Variants in CCAR1 observed in about 807,000 individuals in gnomAD.
CCAR1 encodes the protein cell division cycle and apoptosis regulator 1.
Under a neutral mutation model 163.8 loss-of-function variants are expected in CCAR1, and 78 were observed. The observed-to-expected ratio is 0.48, with a 90% CI of 0.40 to 0.57. The LOEUF (loss-of-function observed/expected upper bound fraction) is 0.57. Ranked by LOEUF, CCAR1 falls within the 20% of genes least tolerant of loss-of-function variation. The pLI, the probability that CCAR1 is intolerant of heterozygous loss-of-function variation, is 0.00. For missense variants in CCAR1, 1,019 were observed against 1,365.2 expected, an observed-to-expected ratio of 0.75 and a Z score of 4.00; for synonymous variants, 443 against 460.7, an observed-to-expected ratio of 0.96 and a Z score of 0.49.
chr10:68,769,122 G>A (rs937470748), intron 17 of CCAR1, among the ~76,000 whole-genome samples: 6 of 152,042 alleles, frequency 3.9e-5, no homozygotes, highest in Non-Finnish European at 5.9e-5. Context: ...GATTACAGGC[G>A]TGTGCCTACA....
intron 19 of CCAR1, among the ~76,000 whole-genome samples, chr10:68,778,327 C>T (rs1215984966): frequency 6.6e-6 from 1 of 152,202 alleles, no homozygotes; most frequent in Non-Finnish European, 1.5e-5. Flanking sequence ...GGACCCCTCA[C>T]ATATGCTTCT....
intron 19 of CCAR1, among the ~76,000 whole-genome samples, chr10:68,783,970 G>A (rs1375172314): frequency 1.3e-5 from 2 of 151,840 alleles, no homozygotes; most frequent in African/African-American, 4.8e-5. Context: ...ATGTTAGCGA[G>A]GATGGTCTCG....
intron 2 of CCAR1, among the ~76,000 whole-genome samples, chr10:68,729,760 A>G (rs888581962): frequency 6.6e-6 from 1 of 151,816 alleles, no homozygotes; most frequent in African/African-American, 2.4e-5. Context: ...TTTGAATTTT[A>G]AAGTCTTTAA....
intron 10 of CCAR1, among the ~76,000 whole-genome samples, chr10:68,753,495 A>G (rs1323919521): frequency 6.6e-6 from 1 of 152,202 alleles, no homozygotes; most frequent in East Asian, 1.9e-4. Flanking sequence ...GCTGTTTTGT[A>G]TCTATTCAAC....
chr10:68,752,883 AATAGATAGATAGATAGATAGATAG>A (rs36140870), intron 10 of CCAR1, among the ~76,000 whole-genome samples: 55 of 142,292 alleles, frequency 3.9e-4, no homozygotes, highest in Non-Finnish European at 4.9e-4. Context: ...GATAGGATAG[AATAGATAGATAGATAGATAGATAG>A]ATAGATAGAT....
intron 2 of CCAR1, among the ~76,000 whole-genome samples, chr10:68,732,772 A>G (rs1486622457): frequency 6.6e-6 from 1 of 152,174 alleles, no homozygotes; most frequent in African/African-American, 2.4e-5. Context: ...TTTAGAACCT[A>G]TGCCCTATCC....
intron 6 of CCAR1, among the ~76,000 whole-genome samples, chr10:68,746,068 G>C (rs1298166142): frequency 1.3e-5 from 2 of 151,154 alleles, no homozygotes; most frequent in Non-Finnish European, 2.9e-5. Context: ...TGCCTCCCGG[G>C]TTCAAGTGAT....
rs543475675 is a variant in CCAR1, at chr10:68,788,204, T to C, written c.3063T>C (p.Asn1021=). The C allele has an allele frequency of 8.9e-5, 143 of 1,598,082 alleles. 2 individuals are homozygous for C. The South Asian group carries it at 1.5e-3, about 17-fold the overall frequency. ...VKQESKDVEE[N]VGLIVYNGAM... ...AGGAATCAAAGGATGTGGAAGAAAA[T>C]GTTGGCCTCATTGTGTACAATGGTG... is the stretch of plus-strand genomic sequence containing the variant. Residue 1021 remains asparagine (N), a synonymous_variant, in exon 23 of 25, where the codon AAT becomes AAC. Coordinates refer to ENST00000265872, the MANE Select transcript of CCAR1 (RefSeq NM_018237.4).
rs368747688 is a variant in CCAR1, at chr10:68,770,562, A to G, written c.2299-644A>G. ...GTTCAAGACCAGCCTGGCCAACATG[A>G]TGAAACTCCATCTCTACTGAAAATA... On this transcript the variant is annotated intron_variant, in intron 17 of 24. Transcript: ENST00000265872. Among the ~76,000 whole-genome samples, 3 of 151,868 alleles carry G rather than the reference A, an allele frequency of 2.0e-5. No individual in the cohort carries two copies. The East Asian group carries it at 5.8e-4, about 29-fold the overall frequency.
At chr10:68,726,130 A>AG (rs1046258241) in intron 2 of CCAR1, among the ~76,000 whole-genome samples, 4 of 147,178 alleles carry the variant, frequency 2.7e-5, no homozygotes, top group Admixed American at 1.4e-4. Context: ...AAAAAAAAAA[A>AG]AAAGAAATGG....
At chr10:68,763,310 C>A (rs931556240) in intron 16 of CCAR1, among the ~76,000 whole-genome samples, 3 of 151,746 alleles carry the variant, frequency 2.0e-5, no homozygotes, top group African/African-American at 4.8e-5. Context: ...ACCACCATGC[C>A]CAGCTAATTT....
At chr10:68,786,835 A>AACCT in intron 21 of CCAR1, 143 bp downstream of exon 21, 4 of 642,550 alleles carry the variant, frequency 6.2e-6, no homozygotes, top group Non-Finnish European at 1.0e-5. Context: ...CTATAATCCC[A>AACCT]GCAGGTTGGG....
intron 19 of CCAR1, among the ~76,000 whole-genome samples, chr10:68,782,162 A>G (rs1184898563): frequency 1.3e-5 from 2 of 152,214 alleles, no homozygotes; most frequent in African/African-American, 4.8e-5. Context: ...GCAAAACCTA[A>G]TTCTGAACAA....
chr10:68,742,400 C>T lies in CCAR1; in HGVS notation c.349C>T (p.Leu117Phe), dbSNP rs761041904. 3 of 1,613,592 alleles carry T rather than the reference C, an allele frequency of 1.9e-6. No individual in the cohort carries two copies. The highest frequency in any genetic ancestry group is 8.5e-7 in the Non-Finnish European group (1 of 1,179,790). ...TQPAVALPTS[L>F]SLSTPQPTAQ... ...GCCAGCTGTTGCACTGCCTACAAGC[C>T]TTAGCCTGTCTACTCCTCAGCCAAC... is the stretch of plus-strand genomic sequence containing the variant. Residue 117 changes from leucine to phenylalanine, a missense_variant, in exon 6 of 25, where the codon CTT becomes TTT. By Grantham distance (22) the Leu-to-Phe change is conservative (BLOSUM62 0). Around this residue, in one of 4 missense-constraint regions of CCAR1, gnomAD observed 644 missense variants for 904.4 expected, o/e 0.71. Coordinates refer to ENST00000265872, the MANE Select transcript of CCAR1 (RefSeq NM_018237.4).
chr10:68,732,549 G>T (rs529338384), intron 2 of CCAR1, among the ~76,000 whole-genome samples: 2,334 of 152,000 alleles, frequency 0.015, 62 homozygotes, highest in African/African-American at 0.053. Flanking sequence ...GGGTTTCACC[G>T]TGTTGGCCAG....
intron 2 of CCAR1, among the ~76,000 whole-genome samples, chr10:68,728,543 C>G (rs2055983249): frequency 6.6e-6 from 1 of 152,186 alleles, no homozygotes; most frequent in African/African-American, 2.4e-5. Flanking sequence ...GCCAGGAGCA[C>G]TAGTCCTCAC....
chr10:68,729,344 A>G (rs2055999964), intron 2 of CCAR1, among the ~76,000 whole-genome samples: 3 of 148,232 alleles, frequency 2.0e-5, no homozygotes, highest in African/African-American at 5.0e-5. Context: ...ATCTCGGCTC[A>G]CTGCAAGCTC....
At chr10:68,760,745 T>A (rs10998419) in intron 15 of CCAR1, 11,937 of 222,714 alleles carry the variant, frequency 0.054, 679 homozygotes, top group East Asian at 0.29. Context: ...GCATCTGTAA[T>A]CCCAGCTACT....
intron 5 of CCAR1, among the ~76,000 whole-genome samples, 161 bp downstream of exon 5, chr10:68,740,822 T>G (rs1484630430): frequency 6.6e-6 from 1 of 151,970 alleles, no homozygotes; most frequent in East Asian, 1.9e-4. Context: ...GCTAGTTTAT[T>G]TTTGATGGTT....
Sources: gnomAD v4.1 joint callset for allele counts (sites outside exome capture counted in the v4.1 genomes callset) on GRCh38, gnomAD v4.1.1 for gene constraint, gnomAD v4.1.1 regional missense constraint, MANE v1.5 for transcripts, NCBI Gene and HGNC (gene_info 2026-07-23, HGNC 2026-07-21) for gene names.